SOX5: variants seen among roughly 807,000 people sequenced by gnomAD.
SOX5 encodes the protein transcription factor SOX-5.
Under a neutral mutation model 92.0 loss-of-function variants are expected in SOX5, and 9 were observed. The observed-to-expected ratio is 0.10, with a 90% confidence interval of 0.06 to 0.17. The LOEUF (loss-of-function observed/expected upper bound fraction) is 0.17. Among genes scored for constraint, SOX5 ranks in the 10% least tolerant of loss-of-function variants. The probability of loss-of-function intolerance (pLI) is 1.00; values close to 1 mark genes in which losing one functional copy is unlikely to be tolerated. For synonymous variants in SOX5, 344 were observed against 336.3 expected, an observed-to-expected ratio of 1.02 and a Z score of -0.25; for missense variants, 642 against 944.5, an observed-to-expected ratio of 0.68 and a Z score of 4.20.
At chr12:23,644,364 G>A (rs1234438564) in intron 7 of SOX5, among the ~76,000 whole-genome samples, 1 of 152,176 alleles carries the variant, frequency 6.6e-6, no homozygotes, top group African/African-American at 2.4e-5. Context: ...CGGAGCCAGA[G>A]GTACCCAGCA....
chr12:24,128,500 C>CA lies in SOX5; in HGVS notation c.-2+84842dup, dbSNP rs553558525. Among the ~76,000 whole-genome samples the CA allele has an allele frequency of 5.6e-3, 844 of 151,928 alleles. 6 individuals carry two copies. Among genetic ancestry groups the CA allele is most frequent in the Non-Finnish European group, 7.0e-3 (475 of 67,930 alleles). ...GTGAGCGACAATTTAGATAGGGTAG[C>CA]AAAAAAAGACCTCTCGAAACTTGAT... is the stretch of plus-strand genomic sequence containing the variant. On this transcript the variant is annotated intron_variant, in intron 4 of 4. Coordinates refer to the SOX5 transcript ENST00000446891.
At chr12:24,282,181 A>G (rs1011000682) in intron 2 of SOX5, among the ~76,000 whole-genome samples, 1 of 152,176 alleles carries the variant, frequency 6.6e-6, no homozygotes, top group Non-Finnish European at 1.5e-5. Context: ...ATCTTTAGGA[A>G]CACAAAGAAA....
At chr12:24,215,019 T>C (rs1478922637) in intron 3 of SOX5, among the ~76,000 whole-genome samples, 3 of 152,088 alleles carry the variant, frequency 2.0e-5, no homozygotes, top group Admixed American at 1.3e-4. Flanking sequence ...AATATCTCTA[T>C]AGATGCTGAA....
intron 2 of SOX5, among the ~76,000 whole-genome samples, chr12:24,367,543 T>C (rs1290041620): frequency 2.0e-5 from 3 of 152,202 alleles, no homozygotes; most frequent in Non-Finnish European, 4.4e-5. Context: ...AGTGTATCCA[T>C]AATTTCTTAG....
At chr12:23,622,579 G>A (rs1042054374) in intron 8 of SOX5, among the ~76,000 whole-genome samples, 1 of 151,940 alleles carries the variant, frequency 6.6e-6, no homozygotes, top group African/African-American at 2.4e-5. Context: ...AAATATTTTA[G>A]TACAAGAAAC....
chr12:23,933,319 A>G (rs977292865), intron 1 of SOX5, among the ~76,000 whole-genome samples: 2 of 151,582 alleles, frequency 1.3e-5, no homozygotes, highest in Admixed American at 6.6e-5. Context: ...CATAACATAT[A>G]CTGTACAGAG....
intron 2 of SOX5, among the ~76,000 whole-genome samples, chr12:23,879,025 A>G: frequency 6.6e-6 from 1 of 152,142 alleles, no homozygotes; most frequent in East Asian, 1.9e-4. Flanking sequence ...TAAAATATAA[A>G]ACTGTGTCTG....
chr12:23,671,437 T>C (rs530345933), intron 6 of SOX5, among the ~76,000 whole-genome samples: 18 of 152,102 alleles, frequency 1.2e-4, no homozygotes, highest in Non-Finnish European at 2.4e-4. Context: ...ACAGCAACAA[T>C]ACACAGCAGT....
chr12:24,147,556 T>G (rs1182119816), intron 4 of SOX5, among the ~76,000 whole-genome samples: 1 of 151,946 alleles, frequency 6.6e-6, no homozygotes, highest in East Asian at 1.9e-4. Context: ...GCAGTGGAGG[T>G]TGTATGGGAG....
intron 4 of SOX5, among the ~76,000 whole-genome samples, chr12:24,112,163 G>A (rs530318967): frequency 4.1e-4 from 62 of 152,292 alleles, no homozygotes; most frequent in African/African-American, 1.4e-3. Context: ...TATTGGAATG[G>A]ATAAAAACAT....
chr12:23,884,948 C>G (rs921663330), intron 2 of SOX5, among the ~76,000 whole-genome samples: 11 of 152,328 alleles, frequency 7.2e-5, no homozygotes, highest in African/African-American at 2.6e-4. Context: ...ACCTATCAGA[C>G]TGAAGATCGG....
At chr12:23,972,590 C>T (rs1267683599) in intron 4 of SOX5, among the ~76,000 whole-genome samples, 2 of 152,084 alleles carry the variant, frequency 1.3e-5, no homozygotes, top group African/African-American at 4.8e-5. Context: ...AACTCCTAAC[C>T]TCAGGTGATC....
At chr12:24,385,163 T>A (rs1566038703) in intron 1 of SOX5, among the ~76,000 whole-genome samples, 1 of 152,242 alleles carries the variant, frequency 6.6e-6, no homozygotes, top group Non-Finnish European at 1.5e-5. Flanking sequence ...GATATGTATA[T>A]GTAAGAGAAA....
chr12:23,890,568 C>T (rs1018092565), intron 2 of SOX5, among the ~76,000 whole-genome samples: 4 of 151,980 alleles, frequency 2.6e-5, no homozygotes, highest in East Asian at 1.9e-4. Context: ...GTCACCAAAA[C>T]GGTCACCATA....
At chr12:23,825,837 T>A (rs1398731388) in intron 3 of SOX5, among the ~76,000 whole-genome samples, 2 of 152,178 alleles carry the variant, frequency 1.3e-5, no homozygotes, top group Non-Finnish European at 2.9e-5. Context: ...TTATTTTTTA[T>A]TCAAATAGTT....
chr12:24,322,858 C>A (rs1015438600), intron 2 of SOX5, among the ~76,000 whole-genome samples: 3 of 152,034 alleles, frequency 2.0e-5, no homozygotes, highest in Non-Finnish European at 4.4e-5. Flanking sequence ...TTTAAATAAT[C>A]TCCCAACATT....
chr12:23,764,876 T>C (rs910094271), intron 3 of SOX5, among the ~76,000 whole-genome samples: 29 of 151,998 alleles, frequency 1.9e-4, no homozygotes, highest in African/African-American at 6.5e-4. Flanking sequence ...GCACTACACA[T>C]CCTGAATCTT....
chr12:23,615,185 T>G (rs1173433161), intron 8 of SOX5, among the ~76,000 whole-genome samples: 5 of 152,162 alleles, frequency 3.3e-5, no homozygotes, highest in Non-Finnish European at 7.3e-5. Context: ...AGTTTTAATT[T>G]GCATTTCTCT....
intron 4 of SOX5, among the ~76,000 whole-genome samples, chr12:24,025,335 G>A (rs928201349): frequency 1.3e-5 from 2 of 151,914 alleles, no homozygotes; most frequent in Non-Finnish European, 2.9e-5. Context: ...AAAAAGAAAC[G>A]TATTTCTCTA....
Sources: allele counts gnomAD v4.1 joint callset (sites outside exome capture counted in the v4.1 genomes callset), GRCh38; gene constraint gnomAD v4.1.1; transcripts MANE v1.5; gene names NCBI Gene and HGNC (gene_info 2026-07-23, HGNC 2026-07-21).